PLAGL1: variants seen among roughly 807,000 people sequenced by gnomAD.
The protein encoded by PLAGL1 is zinc finger protein PLAGL1.
Under a neutral mutation model 4.6 loss-of-function variants are expected in PLAGL1, and 1 was observed. That is an observed-to-expected ratio of 0.22 (90% CI 0.08 to 1.03). The LOEUF is 1.03. PLAGL1 is among the 50% of genes least tolerant of loss of function. The pLI is 0.58. For synonymous variants in PLAGL1, 240 were observed against 237.8 expected (o/e 1.01, Z -0.08); for missense variants, 464 against 570.4 (o/e 0.81, Z 1.90).
At chr6:144,020,581 C>T (rs1221001041) in intron 1 of PLAGL1, among the ~76,000 whole-genome samples, 8 of 151,622 alleles carry the variant, frequency 5.3e-5, no homozygotes, top group East Asian at 3.9e-4. Flanking sequence ...CCACCACGCC[C>T]GGCCCTTTGT....
Position 144,053,677 on chromosome 6 carries a change from G to A in PLAGL1, c.-151+10791C>T, listed in dbSNP as rs1306023164. On this transcript the variant is annotated intron_variant, in intron 1 of 3. Coordinates refer to the PLAGL1 transcript ENST00000437412. This position sits in a 1 kb window ranked among gnomAD's most constrained non-coding sequence, Gnocchi z 4.0. ...AAGAAACTTACCACCTAAAAGTTTAGGCTTCGGGGATGGCAAATACATGGA... is the reference window on the plus strand; with the variant it reads ...AAGAAACTTACCACCTAAAAGTTTAAGCTTCGGGGATGGCAAATACATGGA... 6.6e-6 allele frequency among the ~76,000 whole-genome samples: 1 copy of A among 152,166 alleles called. No individual in the cohort carries two copies. Among genetic ancestry groups the A allele is most frequent in the Non-Finnish European group, 1.5e-5 (1 of 68,032 alleles).
At chr6:143,998,102 C>T (rs1353405068) in intron 1 of PLAGL1, among the ~76,000 whole-genome samples, 2 of 151,988 alleles carry the variant, frequency 1.3e-5, no homozygotes, top group Non-Finnish European at 2.9e-5. Flanking sequence ...TTTTTCTTAC[C>T]CCCAAATAAG....
At chr6:144,040,900 A>T (rs1402463985) in intron 1 of PLAGL1, among the ~76,000 whole-genome samples, 1 of 152,172 alleles carries the variant, frequency 6.6e-6, no homozygotes, top group Non-Finnish European at 1.5e-5. Flanking sequence ...AAAACAAAAC[A>T]AAAAAGCAAA....
upstream of PLAGL1, among the ~76,000 whole-genome samples, chr6:144,009,981 G>A (rs1439411665): frequency 7.9e-5 from 12 of 152,048 alleles, no homozygotes; most frequent in Admixed American, 2.6e-4. Flanking sequence ...ATAAACATAC[G>A]TGTGCATGTG....
At chr6:143,943,745 C>T (rs1779153653) in intron 7 of PLAGL1, among the ~76,000 whole-genome samples, 1 of 152,168 alleles carries the variant, frequency 6.6e-6, no homozygotes, top group South Asian at 2.1e-4. Context: ...TTGTCTTCAA[C>T]AATGGCTTCA....
In PLAGL1 at chr6:144,026,643, C is replaced by T. The variant is rs576496236; in HGVS notation, c.-151+37825G>A. ...CATGTTTTCCAATAATTCATCTATA[C>T]CCAAGCCCGACTTGTCCAAATTTCT... is the stretch of plus-strand genomic sequence containing the variant. On this transcript the variant is annotated intron_variant, in intron 1 of 3. Transcript: ENST00000437412. Among the ~76,000 whole-genome samples, 4 of 152,234 alleles carry T rather than the reference C, an allele frequency of 2.6e-5. No individual in the cohort carries two copies. The South Asian group carries it at 6.2e-4, about 24-fold the overall frequency.
Position 143,942,808 on chromosome 6 carries a change from T to C in PLAGL1, c.153-145A>G. 1 of 598,388 alleles carries C rather than the reference T, an allele frequency of 1.7e-6. No homozygotes were observed. Among genetic ancestry groups the C allele is most frequent in the Non-Finnish European group, 2.8e-6 (1 of 354,374 alleles). 37.1% of individuals were successfully genotyped at this position (598,388 alleles called of 1,614,324 possible). On this transcript the variant is annotated intron_variant, in intron 7 of 7. Coordinates refer to ENST00000674357, the MANE Select transcript of PLAGL1 (RefSeq NM_001317162.2). This position sits in a 1 kb window ranked among gnomAD's most constrained non-coding sequence, Gnocchi z 7.6. ...AATTCTTTCATATATTTTCCAAATA[T>C]ATAAACTTTTATAATTAAGAAAAGC...
rs1337945564 is a variant in PLAGL1 at position 143,994,446 on chromosome 6, C to T, written c.-583-9272G>A. On this transcript the variant is annotated intron_variant, in intron 1 of 7. Coordinates refer to ENST00000674357, the MANE Select transcript of PLAGL1 (RefSeq NM_001317162.2). The surrounding 1 kb of genome is among the most constrained non-coding windows in gnomAD (Gnocchi z 4.3). ...CATCTCTGAATGTGACAAGGTATTA[C>T]CATTAAAGCGTATGACACTGATTTT... Among the ~76,000 whole-genome samples, 2 of 152,176 alleles carry T rather than the reference C, an allele frequency of 1.3e-5. No homozygotes were observed. Among genetic ancestry groups the T allele is most frequent in the Non-Finnish European group, 2.9e-5 (2 of 68,028 alleles).
intron 1 of PLAGL1, among the ~76,000 whole-genome samples, chr6:144,054,776 AGTGTGTGTGTGTGTGTGTGT>A (rs55975441): frequency 6.3e-5 from 9 of 142,286 alleles, no homozygotes; most frequent in African/African-American, 2.1e-4. Context: ...ACTAAAAAAG[AGTGTGTGTGTGTGTGTGTGT>A]GTGTGTGTGT....
chr6:144,001,241 A>T (rs1792808090), intron 1 of PLAGL1, among the ~76,000 whole-genome samples: 1 of 152,146 alleles, frequency 6.6e-6, no homozygotes, highest in African/African-American at 2.4e-5. Flanking sequence ...ACCTGAAAAA[A>T]TCCCAATGCC....
rs1178300912 is a variant in PLAGL1, at chr6:143,959,839, GATA to G, written c.-325+627_-325+629del. On this transcript the variant is annotated intron_variant, in intron 6 of 7. Transcript: ENST00000674357. This position sits in a 1 kb window ranked among gnomAD's most constrained non-coding sequence, Gnocchi z 5.3. ...TATTAATATCATTACTGGTGATGATGATAATGATGATGAACAGAGGTTGCTCCC... is the reference window on the plus strand; with the variant it reads ...TATTAATATCATTACTGGTGATGATGATGATGATGAACAGAGGTTGCTCCC... 2.0e-5 allele frequency among the ~76,000 whole-genome samples: 3 copies of G among 152,216 alleles called. No individual in the cohort carries two copies. Among genetic ancestry groups the G allele is most frequent in the Non-Finnish European group, 2.9e-5 (2 of 68,040 alleles).
chr6:144,059,781 G>A lies in PLAGL1; in HGVS notation c.-151+4687C>T, dbSNP rs949158280. On this transcript the variant is annotated intron_variant, in intron 1 of 3. Transcript: ENST00000437412. This position sits in a 1 kb window ranked among gnomAD's most constrained non-coding sequence, Gnocchi z 4.9. ...TATTTTCCATCCCTGAGGCTGCCCTGCAAGTAAACCTGCTTTAGTCTTTTG... is the reference window on the plus strand; with the variant it reads ...TATTTTCCATCCCTGAGGCTGCCCTACAAGTAAACCTGCTTTAGTCTTTTG... 2.6e-5 allele frequency among the ~76,000 whole-genome samples: 4 copies of A among 152,156 alleles called. No homozygotes were observed. The highest frequency in any genetic ancestry group is 4.4e-5 in the Non-Finnish European group (3 of 68,020).
Position 144,030,281 on chromosome 6 carries a change from A to AAAG in PLAGL1, c.-151+34184_-151+34186dup, listed in dbSNP as rs1554278266. Among the ~76,000 whole-genome samples, 1,249 of 132,732 alleles carry AAAG rather than the reference A, an allele frequency of 9.4e-3. 135 individuals are homozygous for AAAG. The highest frequency in any genetic ancestry group is 0.036 in the African/African-American group (1,139 of 31,450). 87.1% of individuals were successfully genotyped at this position (132,732 alleles called of 152,430 possible). On this transcript the variant is annotated intron_variant, in intron 1 of 3. Coordinates refer to the PLAGL1 transcript ENST00000437412. Reference sequence around the variant, plus strand: ...AAAAAAAAAAAAAAAAAAAAAAAAAAAAGAAGATGTAAATTTTAATACAAT... The same window carrying AAAG: ...AAAAAAAAAAAAAAAAAAAAAAAAAAAAGAAGAAGATGTAAATTTTAATACAAT...
rs1186074456 is a variant in PLAGL1 at position 143,978,870 on chromosome 6, A to G, written c.-544+6265T>C. 3.3e-5 allele frequency among the ~76,000 whole-genome samples: 5 copies of G among 152,166 alleles called. No homozygotes were observed. Among genetic ancestry groups the G allele is most frequent in the Non-Finnish European group, 7.4e-5 (5 of 68,012 alleles). On this transcript the variant is annotated intron_variant, in intron 2 of 7. Coordinates refer to ENST00000674357, the MANE Select transcript of PLAGL1 (RefSeq NM_001317162.2). This position sits in a 1 kb window ranked among gnomAD's most constrained non-coding sequence, Gnocchi z 4.6. ...TCTTCTATAGCCTTCTTGGTTTTCC[A>G]ACTACTTGATCTATTATCTATTGAA... is the stretch of plus-strand genomic sequence containing the variant.
intron 1 of PLAGL1, among the ~76,000 whole-genome samples, chr6:144,026,387 A>T (rs1796343306): frequency 6.6e-6 from 1 of 152,234 alleles, no homozygotes; most frequent in Non-Finnish European, 1.5e-5. Flanking sequence ...ACTAAAAAAT[A>T]GTACTGCATT....
Position 143,989,480 on chromosome 6 carries a change from A to G in PLAGL1, c.-583-4306T>C, listed in dbSNP as rs1040541775. 6.6e-6 allele frequency among the ~76,000 whole-genome samples: 1 copy of G among 151,870 alleles called. No individual in the cohort carries two copies. Among genetic ancestry groups the G allele is most frequent in the Non-Finnish European group, 1.5e-5 (1 of 67,934 alleles). ...AAAAAGGTGGAAGGAGGAGGAATTCACCCCCTTTTCTTCCTGCCTGCCTGA... is the reference window on the plus strand; with the variant it reads ...AAAAAGGTGGAAGGAGGAGGAATTCGCCCCCTTTTCTTCCTGCCTGCCTGA... On this transcript the variant is annotated intron_variant, in intron 1 of 7. Coordinates refer to ENST00000674357, the MANE Select transcript of PLAGL1 (RefSeq NM_001317162.2). The surrounding 1 kb of genome is among the most constrained non-coding windows in gnomAD (Gnocchi z 4.8).
Position 143,990,084 on chromosome 6 carries a change from T to C in PLAGL1, c.-583-4910A>G, listed in dbSNP as rs1790106868. Among the ~76,000 whole-genome samples, 1 of 152,162 alleles carries C rather than the reference T, an allele frequency of 6.6e-6. No homozygotes were observed. The highest frequency in any genetic ancestry group is 1.5e-5 in the Non-Finnish European group (1 of 68,022). On this transcript the variant is annotated intron_variant, in intron 1 of 7. Coordinates refer to ENST00000674357, the MANE Select transcript of PLAGL1 (RefSeq NM_001317162.2). The surrounding 1 kb of genome is among the most constrained non-coding windows in gnomAD (Gnocchi z 5.4). ...CTTCTCCCTTTTTACTAAAGATACT[T>C]GTCATCGACACATACTATGCTCTGA... is the stretch of plus-strand genomic sequence containing the variant.
chr6:143,998,950 T>C (rs917530109), intron 1 of PLAGL1, among the ~76,000 whole-genome samples: 6 of 152,122 alleles, frequency 3.9e-5, no homozygotes, highest in African/African-American at 1.2e-4. Context: ...AAAAGGACCA[T>C]TGTCATGCTA....
Position 144,056,738 on chromosome 6 carries a change from C to T in PLAGL1, c.-151+7730G>A, listed in dbSNP as rs1799005004. Among the ~76,000 whole-genome samples, 1 of 152,180 alleles carries T rather than the reference C, an allele frequency of 6.6e-6. No homozygotes were observed. The highest frequency in any genetic ancestry group is 2.4e-5 in the African/African-American group (1 of 41,440). ...AGAGTGCAGTGGCACAATCACTACT[C>T]ACTGTAGCCATGACCTCTTGGGCTC... On this transcript the variant is annotated intron_variant, in intron 1 of 3. Coordinates refer to the PLAGL1 transcript ENST00000437412. This position sits in a 1 kb window ranked among gnomAD's most constrained non-coding sequence, Gnocchi z 4.7.
Sources: gnomAD v4.1 joint callset for allele counts (sites outside exome capture counted in the v4.1 genomes callset) on GRCh38, gnomAD v4.1.1 for gene constraint, Gnocchi (gnomAD v3.1) non-coding constraint, MANE v1.5 for transcripts, NCBI Gene and HGNC (gene_info 2026-07-23, HGNC 2026-07-21) for gene names.